Variants in WSB2 observed in about 807,000 individuals in gnomAD.
WSB2 encodes WD repeat and SOCS box containing 2.
Under a neutral mutation model 48.8 loss-of-function variants are expected in WSB2, and 12 were observed. The observed-to-expected ratio is 0.25, with a 90% CI of 0.16 to 0.40. The LOEUF (loss-of-function observed/expected upper bound fraction) is 0.40, where lower values mean the gene tolerates loss of function less well. Among genes scored for constraint, WSB2 ranks in the 10% least tolerant of loss-of-function variants. WSB2 has a pLI of 1.00. For synonymous variants in WSB2, 191 were observed against 203.1 expected (o/e 0.94, Z 0.51); for missense variants, 317 against 506.2 (o/e 0.63, Z 3.59).
chr12:118,049,549 A>C (rs1427781646), intron 2 of WSB2, among the ~76,000 whole-genome samples: 1 of 151,988 alleles, frequency 6.6e-6, no homozygotes, highest in African/African-American at 2.4e-5. Flanking sequence ...TTACAGGTGC[A>C]CACCACCACA....
In WSB2 at chr12:118,061,029, C is replaced by G. The variant is rs1277326338; in HGVS notation, c.13+7G>C. The G allele has an allele frequency of 3.0e-6, 3 of 986,246 alleles. No homozygotes were observed. In the African/African-American group the frequency reaches 5.3e-5, roughly 17 times the overall value. The allele number at this position is 986,246 out of a possible 1,614,324, so 61.1% of individuals were successfully genotyped here. ...GGGCGGGAACGGGCGCGCCCGGCCC[C>G]ACTCACCTCCGGCCTCCATGGAGGA... On this transcript the variant is annotated splice_region_variant and intron_variant, in intron 1 of 8. Coordinates refer to ENST00000315436, the MANE Select transcript of WSB2 (RefSeq NM_018639.5).
chr12:118,041,864 C>T (rs777478043), intron 4 of WSB2, among the ~76,000 whole-genome samples: 56 of 150,220 alleles, frequency 3.7e-4, no homozygotes, highest in Non-Finnish European at 7.4e-4. Flanking sequence ...AAGTGATTCT[C>T]CTGCCTCAGC....
chr12:118,058,022 C>T (rs960268173), intron 1 of WSB2, among the ~76,000 whole-genome samples: 2 of 151,710 alleles, frequency 1.3e-5, no homozygotes, highest in African/African-American at 4.8e-5. Context: ...CTCCTGCAGG[C>T]ATGAGCCATT....
Position 118,045,296 on chromosome 12 carries a change from C to T in WSB2, c.183-1919G>A, listed in dbSNP as rs181697142. ...AGGAGAATGGCGTGAACCCGGGAGG[C>T]GGAGCTTGCAGTGAGCTGAGATCGC... is the stretch of plus-strand genomic sequence containing the variant. On this transcript the variant is annotated intron_variant, in intron 2 of 8. Transcript: ENST00000315436. Among the ~76,000 whole-genome samples the T allele has an allele frequency of 9.4e-3, 1,414 of 150,952 alleles. 15 individuals carry two copies. Among genetic ancestry groups the T allele is most frequent in the African/African-American group, 0.027 (1,110 of 41,000 alleles).
At chr12:118,043,529 C>T (rs576938060) in intron 2 of WSB2, 152 bp from the exon 3 acceptor site, 20 of 1,218,920 alleles carry the variant, frequency 1.6e-5, no homozygotes, top group Non-Finnish European at 1.9e-5. Flanking sequence ...ACTGCAGCCT[C>T]GACCTCCCTG....
At chr12:118,047,976 G>A (rs991121213) in intron 2 of WSB2, among the ~76,000 whole-genome samples, 1 of 152,042 alleles carries the variant, frequency 6.6e-6, no homozygotes, top group Non-Finnish European at 1.5e-5. Flanking sequence ...GCCCAGGCTG[G>A]AGTGGCCTGG....
chr12:118,039,744 A>T (rs1042911968), intron 4 of WSB2, among the ~76,000 whole-genome samples: 1 of 150,986 alleles, frequency 6.6e-6, no homozygotes, highest in African/African-American at 2.4e-5. Context: ...TTTCTTTTTT[A>T]TTTTTTTTTA....
At chr12:118,061,004 G>A (rs1241067412) in intron 1 of WSB2, 32 bp downstream of exon 1, 3 of 956,404 alleles carry the variant, frequency 3.1e-6, no homozygotes, top group South Asian at 4.8e-5. Context: ...GGGCCCCGCC[G>A]GGCGGGAACG....
chr12:118,058,413 T>A (rs377605496), intron 1 of WSB2, among the ~76,000 whole-genome samples: 6 of 152,086 alleles, frequency 3.9e-5, no homozygotes, highest in Admixed American at 2.0e-4. Context: ...AGTAGCACCA[T>A]CACGGCTCAC....
intron 2 of WSB2, 95 bp from the exon 3 acceptor site, chr12:118,043,472 G>T: frequency 4.7e-6 from 7 of 1,494,974 alleles, no homozygotes; most frequent in Non-Finnish European, 6.2e-6. Context: ...GGAGTGGAGG[G>T]AAGGGTCTGT....
chr12:118,040,106 G>A (rs2031597645), intron 4 of WSB2, among the ~76,000 whole-genome samples: 2 of 151,992 alleles, frequency 1.3e-5, no homozygotes, highest in Non-Finnish European at 2.9e-5. Context: ...CCAGGAGGCA[G>A]AGGCTACAAT....
At chr12:118,058,597 C>A (rs953381963) in intron 1 of WSB2, among the ~76,000 whole-genome samples, 1 of 152,112 alleles carries the variant, frequency 6.6e-6, no homozygotes, top group East Asian at 1.9e-4. Flanking sequence ...AGTGATCTAC[C>A]CAAGTTGGCC....
intron 2 of WSB2, among the ~76,000 whole-genome samples, chr12:118,051,707 G>A (rs1404379930): frequency 6.6e-6 from 1 of 152,188 alleles, no homozygotes; most frequent in Non-Finnish European, 1.5e-5. Flanking sequence ...TGGCTCATGG[G>A]AGAAATGTGT....
chr12:118,041,736 T>A (rs1251389682), intron 4 of WSB2, among the ~76,000 whole-genome samples: 1 of 143,694 alleles, frequency 7.0e-6, no homozygotes, highest in Non-Finnish European at 1.5e-5. Flanking sequence ...TAAATTCCCC[T>A]CTCTTATGTC....
rs753762782 is a variant in WSB2 at position 118,042,974 on chromosome 12, T to C, written c.428-2A>G. ...CGGAAAGATTCAAAAGCAGGAGCCC[T>C]GGCATGGGAGCAGGGGCACTGAGTC... On this transcript the variant is annotated splice_acceptor_variant, in intron 3 of 8. Transcript: ENST00000315436. LOFTEE classifies it high-confidence loss of function. The C allele has an allele frequency of 6.2e-7, 1 of 1,614,144 alleles. No homozygotes were observed. The highest frequency in any genetic ancestry group is 8.5e-7 in the Non-Finnish European group (1 of 1,180,028).
chr12:118,054,022 T>C (rs2031903485), intron 1 of WSB2, among the ~76,000 whole-genome samples: 1 of 151,984 alleles, frequency 6.6e-6, no homozygotes. Flanking sequence ...GATAATACAA[T>C]CCATGGTATC....
intron 2 of WSB2, among the ~76,000 whole-genome samples, chr12:118,043,841 G>C (rs1361832843): frequency 6.6e-6 from 1 of 152,102 alleles, no homozygotes; most frequent in Non-Finnish European, 1.5e-5. Context: ...TGTAGGCCAG[G>C]CGTGGTGGCT....
intron 4 of WSB2, among the ~76,000 whole-genome samples, chr12:118,040,733 T>C (rs1187038735): frequency 1.3e-5 from 2 of 150,270 alleles, no homozygotes; most frequent in Non-Finnish European, 3.0e-5. Flanking sequence ...GGATTACAGG[T>C]TCCACAGTAC....
intron 1 of WSB2, among the ~76,000 whole-genome samples, chr12:118,057,797 C>T (rs1227058875): frequency 6.6e-6 from 1 of 150,422 alleles, no homozygotes; most frequent in Non-Finnish European, 1.5e-5. Context: ...TTTTGAGACC[C>T]AGGCTGGGGT....
Sources: gnomAD v4.1 joint callset for allele counts (sites outside exome capture counted in the v4.1 genomes callset) on GRCh38, gnomAD v4.1.1 for gene constraint, MANE v1.5 for transcripts, NCBI Gene and HGNC (gene_info 2026-07-23, HGNC 2026-07-21) for gene names.